The following ABCA10 variants were observed in gnomAD, a reference collection of about 807,000 sequenced individuals.
ABCA10 encodes the protein ATP binding cassette subfamily A member 10, also known as ATP-binding cassette sub-family A member 10.
ABCA10 carries 169 observed loss-of-function variants against 187.5 expected under a neutral mutation model. The ratio of observed to expected loss-of-function variants is 0.90; its 90% CI spans 0.80 to 1.02. ABCA10 has a LOEUF of 1.02. Ranked by LOEUF, ABCA10 falls within the 50% of genes least tolerant of loss-of-function variation. The pLI is 0.00. For synonymous variants in ABCA10, 574 were observed against 601.8 expected (o/e 0.95, Z 0.68); for missense variants, 1,727 against 1,812.4 (o/e 0.95, Z 0.86).
At chr17:69,230,497 CTTTACATAT>C (rs199763753), upstream of ABCA10, among the ~76,000 whole-genome samples, 5,733 of 151,914 alleles carry the variant, frequency 0.038, 363 homozygotes, top group African/African-American at 0.13. Context: ...CATTCTTAGC[CTTTACATAT>C]TTATAATTAT....
intron 9 of ABCA10, among the ~76,000 whole-genome samples, 181 bp downstream of exon 9, chr17:69,214,523 A>G (rs1182478779): frequency 1.3e-5 from 2 of 152,316 alleles, no homozygotes; most frequent in Middle Eastern, 3.4e-3. Context: ...TCAAAAAAAA[A>G]AAAAATGATT....
intron 27 of ABCA10, among the ~76,000 whole-genome samples, chr17:69,159,101 C>A (rs1185343576): frequency 3.3e-5 from 5 of 151,508 alleles, no homozygotes; most frequent in Admixed American, 2.6e-4. Flanking sequence ...AAGGGTGACC[C>A]ACATTCAGAA....
intron 22 of ABCA10, among the ~76,000 whole-genome samples, chr17:69,178,565 G>A (rs2074354257): frequency 6.6e-6 from 1 of 152,184 alleles, no homozygotes. Context: ...TCTGGTCTAT[G>A]ACTTCTGCTG....
chr17:69,157,169 G>C (rs985010070), intron 27 of ABCA10, among the ~76,000 whole-genome samples: 2 of 151,700 alleles, frequency 1.3e-5, no homozygotes, highest in African/African-American at 2.4e-5. Context: ...CTTTTAAAAA[G>C]CATAGAAGAG....
chr17:69,243,694 T>C (rs1268766168), intron 1 of ABCA10, among the ~76,000 whole-genome samples: 4 of 152,138 alleles, frequency 2.6e-5, no homozygotes, highest in Non-Finnish European at 4.4e-5. Context: ...GCCCAGGAGT[T>C]TGAGACCAGC....
intron 11 of ABCA10, chr17:69,196,372 G>A (rs944267664): frequency 6.8e-5 from 12 of 176,220 alleles, no homozygotes; most frequent in East Asian, 1.8e-4. Context: ...GTTCCCAGAC[G>A]GGGTCGCGGC....
At chr17:69,195,963 T>C (rs892860602) in intron 11 of ABCA10, among the ~76,000 whole-genome samples, 1 of 152,192 alleles carries the variant, frequency 6.6e-6, no homozygotes, top group Admixed American at 6.5e-5. Flanking sequence ...TACTTCTTTC[T>C]ACACAGACAC....
chr17:69,170,097 G>C (rs1190130523), intron 25 of ABCA10, among the ~76,000 whole-genome samples: 3 of 151,962 alleles, frequency 2.0e-5, no homozygotes, highest in African/African-American at 7.2e-5. Context: ...AGACCAGCCT[G>C]GCCAAGATGG....
At chr17:69,158,438 C>T (rs1002434120) in intron 27 of ABCA10, among the ~76,000 whole-genome samples, 1 of 151,272 alleles carries the variant, frequency 6.6e-6, no homozygotes, top group East Asian at 1.9e-4. Context: ...GTATAGAAAC[C>T]TAGCTAGAAC....
chr17:69,150,293 G>A (rs1406629851), intron 36 of ABCA10: 1 of 406,448 alleles, frequency 2.5e-6, no homozygotes, highest in Non-Finnish European at 4.4e-6. Flanking sequence ...AAATAGCTCT[G>A]ATTAAGAATC....
chr17:69,184,773 C>T (rs564856125), intron 20 of ABCA10, among the ~76,000 whole-genome samples: 90 of 151,874 alleles, frequency 5.9e-4, no homozygotes, highest in African/African-American at 1.1e-3. Flanking sequence ...GCACAGTTCA[C>T]AATTGTGAAA....
chr17:69,169,951 C>A (rs998774961), intron 25 of ABCA10, among the ~76,000 whole-genome samples: 3 of 152,058 alleles, frequency 2.0e-5, no homozygotes. Flanking sequence ...ATTGCTCTAA[C>A]AAAATATATA....
chr17:69,206,437 C>T (rs1350842967), intron 9 of ABCA10, among the ~76,000 whole-genome samples: 5 of 152,142 alleles, frequency 3.3e-5, no homozygotes. Flanking sequence ...AGGAAACCAG[C>T]TGACAGAGTA....
At position 69,170,331 on chromosome 17, in the gene ABCA10, T is replaced by C. The variant is rs2074288121; in HGVS notation, c.3162+3950A>G. On this transcript the variant is annotated intron_variant, in intron 25 of 38. Coordinates refer to ENST00000690296, the MANE Select transcript of ABCA10 (RefSeq NM_001377321.1). Reference sequence around the variant, plus strand: ...ACGTTACATTTTGTAAATCTAACAATGCAAGTGAAGAATGTATCTTTGACC... The same window carrying C: ...ACGTTACATTTTGTAAATCTAACAACGCAAGTGAAGAATGTATCTTTGACC... Among the ~76,000 whole-genome samples, 5 of 151,300 alleles carry C rather than the reference T, an allele frequency of 3.3e-5. 1 individual carries two copies. The highest frequency in any genetic ancestry group is 4.2e-4 in the South Asian group (2 of 4,796).
At chr17:69,192,509 G>A (rs1405873687) in intron 16 of ABCA10, 54 bp downstream of exon 16, 9 of 1,448,856 alleles carry the variant, frequency 6.2e-6, no homozygotes, top group East Asian at 2.3e-5. Context: ...TCTACAAAAT[G>A]TCACCCTCAT....
chr17:69,217,534 TAAAC>T (rs2074715406), intron 6 of ABCA10, among the ~76,000 whole-genome samples: 1 of 152,120 alleles, frequency 6.6e-6, no homozygotes, highest in South Asian at 2.1e-4. Context: ...GCTGAAGAAT[TAAAC>T]AAACAGAAAT....
At chr17:69,150,535 T>C (rs554394518) in intron 36 of ABCA10, 1 of 153,272 alleles carries the variant, frequency 6.5e-6, no homozygotes, top group East Asian at 1.9e-4. Flanking sequence ...AGGAACACTC[T>C]TCAGTCCTCA....
Position 69,153,316 on chromosome 17 carries a change from C to T in ABCA10, c.4125G>A (p.Gln1375=). ...EPFTGMDPEG[Q]QQMWQILQAT... ...TTCACTCTCCTTACCACATTTGCTG[C>T]TGCCCCTCGGGGTCCATCCCGGTGA... Residue 1375 remains glutamine, a synonymous_variant, in exon 34 of 39, where the codon CAG becomes CAA. Transcript: ENST00000690296. 2 of 1,611,182 alleles carry T rather than the reference C, an allele frequency of 1.2e-6. No individual in the cohort carries two copies. The highest frequency in any genetic ancestry group is 1.7e-6 in the Non-Finnish European group (2 of 1,178,804).
chr17:69,176,423 AAAG>A (rs2074334404), intron 22 of ABCA10, among the ~76,000 whole-genome samples: 1 of 152,132 alleles, frequency 6.6e-6, no homozygotes, highest in Admixed American at 6.6e-5. Flanking sequence ...AAAAAAATCT[AAAG>A]AAAAGGAGTG....
Sources: allele counts gnomAD v4.1 joint callset (sites outside exome capture counted in the v4.1 genomes callset), GRCh38; gene constraint gnomAD v4.1.1; transcripts MANE v1.5; gene names NCBI Gene and HGNC (gene_info 2026-07-23, HGNC 2026-07-21).